The following GRIA1 variants were observed in gnomAD, a reference collection of about 807,000 sequenced individuals.
The protein encoded by GRIA1 is glutamate receptor 1.
A neutral mutation model predicts 99.2 loss-of-function variants in GRIA1; 31 were observed. That is an observed-to-expected ratio of 0.31 (90% CI 0.23 to 0.42). The LOEUF (loss-of-function observed/expected upper bound fraction) is 0.42, where lower values mean the gene tolerates loss of function less well. GRIA1 is among the 10% of genes least tolerant of loss of function. GRIA1 has a pLI of 1.00. For synonymous variants in GRIA1, 438 were observed against 432.4 expected, an observed-to-expected ratio of 1.01 and a Z score of -0.16; for missense variants, 782 against 1,157.5, an observed-to-expected ratio of 0.68 and a Z score of 4.71.
chr5:153,521,994 C>T (rs944278840), intron 2 of GRIA1, among the ~76,000 whole-genome samples: 2 of 152,192 alleles, frequency 1.3e-5, no homozygotes, highest in Admixed American at 1.3e-4. Context: ...TTTTTAGGCC[C>T]ACCCTTCAAA....
intron 5 of GRIA1, among the ~76,000 whole-genome samples, chr5:153,669,686 C>T (rs1055108773): frequency 1.3e-5 from 2 of 151,982 alleles, no homozygotes; most frequent in East Asian, 3.9e-4. Context: ...AGATAAATGC[C>T]CATTCTTTCC....
intron 2 of GRIA1, among the ~76,000 whole-genome samples, chr5:153,612,726 T>C (rs1028009923): frequency 6.6e-6 from 1 of 152,208 alleles, no homozygotes; most frequent in African/African-American, 2.4e-5. Context: ...CTACTTCCCA[T>C]TCCACTGAAG....
chr5:153,695,477 C>T (rs1035472485), intron 8 of GRIA1, among the ~76,000 whole-genome samples: 2 of 152,196 alleles, frequency 1.3e-5, no homozygotes, highest in African/African-American at 4.8e-5. Flanking sequence ...CCCTCACCAC[C>T]TTCCATGAGC....
chr5:153,810,294 T>A (rs1431809816), intron 15 of GRIA1, among the ~76,000 whole-genome samples: 1 of 152,200 alleles, frequency 6.6e-6, no homozygotes, highest in East Asian at 1.9e-4. Flanking sequence ...CAGATGATAA[T>A]CTTTGGAATG....
chr5:153,605,562 A>T (rs1297270219), intron 2 of GRIA1, among the ~76,000 whole-genome samples: 1 of 152,214 alleles, frequency 6.6e-6, no homozygotes, highest in Non-Finnish European at 1.5e-5. Flanking sequence ...ACTGCCAAAT[A>T]GTTTTTCAAA....
chr5:153,768,363 G>T (rs989677163), intron 12 of GRIA1, among the ~76,000 whole-genome samples: 6 of 152,066 alleles, frequency 3.9e-5, no homozygotes, highest in African/African-American at 1.4e-4. Flanking sequence ...ACTCCCTATG[G>T]AATGGATGGG....
At chr5:153,749,511 T>A (rs1276683935) in intron 11 of GRIA1, among the ~76,000 whole-genome samples, 1 of 152,076 alleles carries the variant, frequency 6.6e-6, no homozygotes, top group Admixed American at 6.6e-5. Context: ...CATGTGCAGA[T>A]CACATGGAGA....
At chr5:153,776,109 C>T (rs924398788) in intron 13 of GRIA1, among the ~76,000 whole-genome samples, 9 of 152,034 alleles carry the variant, frequency 5.9e-5, no homozygotes, top group African/African-American at 9.7e-5. Context: ...ATTACCCTGG[C>T]GGTGGTTTGC....
chr5:153,644,120 C>G (rs993942555), intron 2 of GRIA1, among the ~76,000 whole-genome samples: 2 of 152,040 alleles, frequency 1.3e-5, no homozygotes, highest in Admixed American at 6.5e-5. Context: ...TATGTGCTCC[C>G]CATATACACT....
intron 11 of GRIA1, among the ~76,000 whole-genome samples, chr5:153,757,836 T>A (rs1470320479): frequency 1.3e-5 from 2 of 152,114 alleles, no homozygotes; most frequent in Non-Finnish European, 2.9e-5. Flanking sequence ...AAGGACACTA[T>A]GTGTAACAAT....
chr5:153,585,130 T>C (rs904648097), intron 2 of GRIA1, among the ~76,000 whole-genome samples: 1 of 152,086 alleles, frequency 6.6e-6, no homozygotes, highest in African/African-American at 2.4e-5. Context: ...ACTAAGTCCT[T>C]CAAGTAGTCT....
At chr5:153,597,909 G>A (rs1424799915) in intron 2 of GRIA1, among the ~76,000 whole-genome samples, 3 of 151,990 alleles carry the variant, frequency 2.0e-5, no homozygotes, top group Non-Finnish European at 4.4e-5. Flanking sequence ...CTACTCAGGA[G>A]GCTGAGTTGG....
intron 2 of GRIA1, among the ~76,000 whole-genome samples, chr5:153,600,477 G>T (rs986081313): frequency 6.8e-6 from 1 of 147,242 alleles, no homozygotes; most frequent in Non-Finnish European, 1.5e-5. Flanking sequence ...CTCAAATCCA[G>T]AATTTATTTA....
intron 2 of GRIA1, among the ~76,000 whole-genome samples, chr5:153,561,930 G>A (rs151308297): frequency 5.6e-4 from 86 of 152,294 alleles, no homozygotes; most frequent in African/African-American, 2.0e-3. Context: ...ATCAAAAGGG[G>A]ATTCCAATAG....
In GRIA1 at chr5:153,698,851, C is replaced by T; in HGVS notation, c.1246-16C>T. On this transcript the variant is annotated splice_polypyrimidine_tract_variant and intron_variant, in intron 9 of 15. Coordinates refer to ENST00000285900, the MANE Select transcript of GRIA1 (RefSeq NM_000827.4). ...CCCATAACCCACATTCTGCTATCTC[C>T]CCATTTCTCTTCCAGGAAGATCCTT... 6.4e-7 allele frequency: 1 copy of T among 1,559,776 alleles called. No homozygotes were observed.
intron 4 of GRIA1, among the ~76,000 whole-genome samples, chr5:153,653,613 A>C (rs1195522101): frequency 6.6e-6 from 1 of 152,188 alleles, no homozygotes; most frequent in Non-Finnish European, 1.5e-5. Flanking sequence ...GTTATCCATC[A>C]CATCCCCCTA....
At chr5:153,522,916 C>T (rs1757277917) in intron 2 of GRIA1, among the ~76,000 whole-genome samples, 1 of 151,986 alleles carries the variant, frequency 6.6e-6, no homozygotes, top group African/African-American at 2.4e-5. Flanking sequence ...ATAGAAAAAT[C>T]TTCTTTAATG....
intron 5 of GRIA1, among the ~76,000 whole-genome samples, chr5:153,672,652 T>G (rs1479524233): frequency 1.3e-5 from 2 of 152,198 alleles, no homozygotes; most frequent in Non-Finnish European, 2.9e-5. Flanking sequence ...AAGTCTATTC[T>G]TTTAGATAGA....
chr5:153,600,923 G>A (rs949073181), intron 2 of GRIA1, among the ~76,000 whole-genome samples: 1 of 152,212 alleles, frequency 6.6e-6, no homozygotes, highest in Admixed American at 6.5e-5. Context: ...GAGCATCCTA[G>A]CCTCGGGGCA....
Sources: gnomAD v4.1 joint callset for allele counts (sites outside exome capture counted in the v4.1 genomes callset) on GRCh38, gnomAD v4.1.1 for gene constraint, MANE v1.5 for transcripts, NCBI Gene and HGNC (gene_info 2026-07-23, HGNC 2026-07-21) for gene names.